Variants in CEP128 observed in about 807,000 individuals in gnomAD.
The protein encoded by CEP128 is centrosomal protein 128kDa.
In CEP128, 132 loss-of-function variants were observed where a neutral mutation model predicts 156.7. The ratio of observed to expected loss-of-function variants is 0.84; its 90% CI spans 0.73 to 0.97. CEP128 has a LOEUF of 0.97. CEP128 is among the 50% of genes least tolerant of loss of function. The pLI, the probability that CEP128 is intolerant of heterozygous loss-of-function variation, is 0.00. For synonymous variants in CEP128, 469 were observed against 448.9 expected (o/e 1.04, Z -0.57); for missense variants, 1,252 against 1,281.9 (o/e 0.98, Z 0.36).
chr14:80,745,434 G>C (rs970319412), intron 18 of CEP128, among the ~76,000 whole-genome samples: 12 of 152,050 alleles, frequency 7.9e-5, no homozygotes, highest in African/African-American at 2.9e-4. Flanking sequence ...GTTGTCCCAA[G>C]AATGCAAGGT....
intron 13 of CEP128, among the ~76,000 whole-genome samples, chr14:80,803,350 T>A (rs1469772062): frequency 1.1e-5 from 1 of 92,904 alleles, no homozygotes. Context: ...ACAACAGCCC[T>A]ATGTTAAAAA....
At chr14:80,716,842 C>A (rs1897625379) in intron 19 of CEP128, among the ~76,000 whole-genome samples, 1 of 152,170 alleles carries the variant, frequency 6.6e-6, no homozygotes, top group East Asian at 1.9e-4. Context: ...ATTTCATATT[C>A]TCACCAGAAG....
At chr14:80,585,186 G>C (rs916358160) in intron 19 of CEP128, among the ~76,000 whole-genome samples, 2 of 152,234 alleles carry the variant, frequency 1.3e-5, no homozygotes, top group Non-Finnish European at 2.9e-5. Flanking sequence ...ATGAGAATTG[G>C]ATGATCCAGC....
At chr14:80,664,754 T>C (rs199525751) in intron 19 of CEP128, among the ~76,000 whole-genome samples, 1 of 152,208 alleles carries the variant, frequency 6.6e-6, no homozygotes, top group Non-Finnish European at 1.5e-5. Flanking sequence ...TATCTCAGTA[T>C]ATCTTAACAT....
chr14:80,627,679 T>C (rs1214286180), intron 19 of CEP128, among the ~76,000 whole-genome samples: 5 of 152,026 alleles, frequency 3.3e-5, no homozygotes, highest in Non-Finnish European at 5.9e-5. Context: ...AAATGAGATA[T>C]TAAAATACTC....
intron 19 of CEP128, among the ~76,000 whole-genome samples, chr14:80,741,936 T>C (rs1341456342): frequency 6.6e-6 from 1 of 152,072 alleles, no homozygotes; most frequent in African/African-American, 2.4e-5. Context: ...CTTATGGAAA[T>C]CTTGCTTTGT....
chr14:80,690,416 C>CA (rs113493547), intron 19 of CEP128, among the ~76,000 whole-genome samples: 1,194 of 118,204 alleles, frequency 0.01, 15 homozygotes, highest in East Asian at 0.051. Context: ...AACTCCATCT[C>CA]AAAAAAAAAA....
chr14:80,873,541 CCTAA>C (rs1888132461), intron 8 of CEP128, among the ~76,000 whole-genome samples: 1 of 152,186 alleles, frequency 6.6e-6, no homozygotes, highest in Non-Finnish European at 1.5e-5. Context: ...TTGAAACCAT[CCTAA>C]CTATCTAATA....
chr14:80,506,979 A>T (rs1044303747), intron 23 of CEP128, among the ~76,000 whole-genome samples: 2 of 151,896 alleles, frequency 1.3e-5, no homozygotes, highest in Non-Finnish European at 2.9e-5. Context: ...TCCTTGCAAT[A>T]GTGAGGGAGC....
chr14:80,596,842 A>AAAAAAAAAG (rs1555379468), intron 19 of CEP128, among the ~76,000 whole-genome samples: 13 of 69,822 alleles, frequency 1.9e-4, no homozygotes, highest in African/African-American at 5.2e-4. Context: ...AAAAAAAAAA[A>AAAAAAAAAG]GGTGGGGGGG....
intron 19 of CEP128, among the ~76,000 whole-genome samples, chr14:80,724,270 CATCT>C (rs1897930472): frequency 6.6e-6 from 1 of 152,122 alleles, no homozygotes; most frequent in African/African-American, 2.4e-5. Flanking sequence ...TTCATTCATC[CATCT>C]GTTTATCCAC....
At chr14:80,555,106 C>T (rs1231054881) in intron 21 of CEP128, among the ~76,000 whole-genome samples, 3 of 152,062 alleles carry the variant, frequency 2.0e-5, no homozygotes, top group African/African-American at 4.8e-5. Flanking sequence ...TATTTCAGAA[C>T]GTCAGAATGA....
chr14:80,735,394 GT>G (rs1210995703), intron 19 of CEP128, among the ~76,000 whole-genome samples: 5 of 152,000 alleles, frequency 3.3e-5, no homozygotes, highest in African/African-American at 1.2e-4. Flanking sequence ...AAAATACCAC[GT>G]TTCGCACATT....
chr14:80,531,644 G>A (rs985184987), intron 21 of CEP128, among the ~76,000 whole-genome samples: 1 of 152,170 alleles, frequency 6.6e-6, no homozygotes, highest in Non-Finnish European at 1.5e-5. Context: ...GACATATTAG[G>A]TGGGTAACAG....
chr14:80,724,716 C>G (rs540741183), intron 19 of CEP128, among the ~76,000 whole-genome samples: 1 of 152,022 alleles, frequency 6.6e-6, no homozygotes, highest in African/African-American at 2.4e-5. Flanking sequence ...TAGCGTTCAA[C>G]TGAAACTCAG....
chr14:80,567,965 G>A (rs545496630), intron 20 of CEP128, among the ~76,000 whole-genome samples: 6 of 151,910 alleles, frequency 3.9e-5, no homozygotes, highest in South Asian at 4.2e-4. Flanking sequence ...AAAAGTACAC[G>A]ACACCAGTCG....
chr14:80,899,850 A>T (rs1883428609), intron 7 of CEP128, 88 bp downstream of exon 7: 5 of 944,416 alleles, frequency 5.3e-6, no homozygotes, highest in South Asian at 3.0e-5. Flanking sequence ...AACATTTTTT[A>T]AAAATCTAGA....
rs1485445907 is a variant in CEP128 at position 80,916,478 on chromosome 14, A to G, written c.70T>C (p.Ser24Pro). 1 of 1,614,034 alleles carries G rather than the reference A, an allele frequency of 6.2e-7. No homozygotes were observed. Among genetic ancestry groups the G allele is most frequent in the Non-Finnish European group, 8.5e-7 (1 of 1,179,980 alleles). Residue 24 changes from serine (S) to proline (P), a missense_variant, in exon 3 of 25, where the codon TCA (serine) becomes CCA (proline). Coordinates refer to ENST00000555265, the MANE Select transcript of CEP128 (RefSeq NM_152446.5). ...RDRLSPWAAR[S>P]THRGTRSLPT... ...AGACTTCGAGTTCCCCTGTGCGTTG[A>G]TCTGGCAGCCCATGGACTCAATCGG... is the stretch of plus-strand genomic sequence containing the variant.
chr14:80,662,962 T>C (rs1895462394), intron 19 of CEP128, among the ~76,000 whole-genome samples: 1 of 152,252 alleles, frequency 6.6e-6, no homozygotes, highest in African/African-American at 2.4e-5. Flanking sequence ...TAGTCACTCG[T>C]GGCCAGTTGC....
Sources: allele counts gnomAD v4.1 joint callset (sites outside exome capture counted in the v4.1 genomes callset), GRCh38; gene constraint gnomAD v4.1.1; transcripts MANE v1.5; gene names NCBI Gene and HGNC (gene_info 2026-07-23, HGNC 2026-07-21).